Variants in PLCB1 observed in about 807,000 individuals in gnomAD.
PLCB1 encodes the protein phospholipase C beta 1, also known as 1-phosphatidylinositol 4,5-bisphosphate phosphodiesterase beta-1.
In PLCB1, 46 loss-of-function variants were observed where a neutral mutation model predicts 161.8. That is an observed-to-expected ratio of 0.28 (90% CI 0.22 to 0.36). The LOEUF (loss-of-function observed/expected upper bound fraction) is 0.36, where lower values mean the gene tolerates loss of function less well. Ranked by LOEUF, PLCB1 falls within the 10% of genes least tolerant of loss-of-function variation. The probability of loss-of-function intolerance (pLI) is 1.00; values close to 1 mark genes in which losing one functional copy is unlikely to be tolerated. For synonymous variants in PLCB1, 517 were observed against 503.7 expected (o/e 1.03, Z -0.35); for missense variants, 1,016 against 1,472.5 (o/e 0.69, Z 5.07).
chr20:8,649,555 G>A (rs1395357933), intron 7 of PLCB1, 106 bp downstream of exon 7: 14 of 754,172 alleles, frequency 1.9e-5, no homozygotes, highest in Non-Finnish European at 2.9e-5. Flanking sequence ...CCTTTAAGAG[G>A]AAATTAAGAG....
chr20:8,342,608 T>C (rs184302950), intron 2 of PLCB1, among the ~76,000 whole-genome samples: 19 of 152,306 alleles, frequency 1.2e-4, no homozygotes, highest in Admixed American at 3.9e-4. Context: ...CTGTGAACTG[T>C]TGATCTGTTA....
At chr20:8,206,024 A>G (rs781262294) in intron 2 of PLCB1, among the ~76,000 whole-genome samples, 6 of 151,926 alleles carry the variant, frequency 3.9e-5, no homozygotes, top group Non-Finnish European at 7.4e-5. Flanking sequence ...ATGTAATAGC[A>G]TGGTTTCTTA....
chr20:8,626,933 A>G (rs533872947), intron 3 of PLCB1, among the ~76,000 whole-genome samples: 45 of 152,296 alleles, frequency 3.0e-4, no homozygotes, highest in African/African-American at 1.1e-3. Flanking sequence ...TTAATGGTAG[A>G]GTGCTAAATG....
chr20:8,175,454 T>C (rs921485134), intron 2 of PLCB1, among the ~76,000 whole-genome samples: 107 of 53,898 alleles, frequency 2.0e-3, no homozygotes, highest in African/African-American at 0.012. Flanking sequence ...AGGCAAAAAA[T>C]AAGTAAAAAT....
intron 2 of PLCB1, among the ~76,000 whole-genome samples, chr20:8,156,441 A>G (rs2051563938): frequency 6.6e-6 from 1 of 152,224 alleles, no homozygotes; most frequent in African/African-American, 2.4e-5. Flanking sequence ...TACTTTTACT[A>G]GAATCCTTAT....
Position 8,132,807 on chromosome 20 carries a change from C to A in PLCB1, c.99+57C>A, listed in dbSNP as rs1353754568. On this transcript the variant is annotated intron_variant, in intron 1 of 31. Transcript: ENST00000338037. This position sits in a 1 kb window ranked among gnomAD's most constrained non-coding sequence, Gnocchi z 5.2. Reference sequence around the variant, plus strand: ...TGGCTCGGGCACCGGGCAGGGCGGGCGTCGTGGGGGTGGGGCAAGGGGCGC... The same window carrying A: ...TGGCTCGGGCACCGGGCAGGGCGGGAGTCGTGGGGGTGGGGCAAGGGGCGC... The A allele has an allele frequency of 3.3e-6, 4 of 1,226,392 alleles. No individual in the cohort carries two copies. In the African/African-American group the frequency reaches 4.5e-5, roughly 14 times the overall value. The allele number at this position is 1,226,392 out of a possible 1,614,324, so 76.0% of individuals were successfully genotyped here. A position where few individuals can be genotyped will look rare whatever the true frequency, so the allele number is the denominator to read the frequency against.
chr20:8,668,227 T>A (rs1001125431), intron 9 of PLCB1, among the ~76,000 whole-genome samples: 5 of 151,232 alleles, frequency 3.3e-5, no homozygotes, highest in African/African-American at 1.2e-4. Flanking sequence ...AGCTGAAAAA[T>A]GTACCATAGT....
intron 2 of PLCB1, among the ~76,000 whole-genome samples, chr20:8,299,269 C>G (rs897687759): frequency 6.6e-6 from 1 of 152,122 alleles, no homozygotes; most frequent in Admixed American, 6.6e-5. Context: ...GTGTATAAGC[C>G]AAGCTGCCCA....
At chr20:8,257,933 A>G (rs1290932247) in intron 2 of PLCB1, among the ~76,000 whole-genome samples, 1 of 152,072 alleles carries the variant, frequency 6.6e-6, no homozygotes, top group East Asian at 1.9e-4. Flanking sequence ...GGGATATAAG[A>G]CTTAAAGGTC....
rs759324115 is a variant in PLCB1 at position 8,785,114 on chromosome 20, C to A, written c.3112-3335C>A. Among the ~76,000 whole-genome samples the A allele has an allele frequency of 1.6e-3, 238 of 151,940 alleles. 1 individual carries two copies. Among genetic ancestry groups the A allele is most frequent in the Non-Finnish European group, 2.4e-3 (164 of 67,968 alleles). ...CCTGTAGGAAAAACCAATTAGGGGGCCAACACCCAGAGTTATCTGGGCAGT... is the reference window on the plus strand; with the variant it reads ...CCTGTAGGAAAAACCAATTAGGGGGACAACACCCAGAGTTATCTGGGCAGT... On this transcript the variant is annotated intron_variant, in intron 27 of 31. Transcript: ENST00000338037.
At chr20:8,216,894 G>C (rs1233437851) in intron 2 of PLCB1, among the ~76,000 whole-genome samples, 2 of 152,060 alleles carry the variant, frequency 1.3e-5, no homozygotes, top group African/African-American at 4.8e-5. Context: ...CAAAATAGTG[G>C]TGTCAACCCA....
At chr20:8,599,192 T>G (rs1415819722) in intron 3 of PLCB1, among the ~76,000 whole-genome samples, 78 of 139,654 alleles carry the variant, frequency 5.6e-4, no homozygotes, top group Middle Eastern at 7.4e-3. Flanking sequence ...TTCTTCCTAG[T>G]CTCGATGGTC....
chr20:8,328,190 A>T (rs1251529765), intron 2 of PLCB1, among the ~76,000 whole-genome samples: 1 of 152,158 alleles, frequency 6.6e-6, no homozygotes, highest in Non-Finnish European at 1.5e-5. Context: ...TTTAGAGCAT[A>T]TTGGATTTTG....
At chr20:8,436,811 A>G (rs185480533) in intron 3 of PLCB1, among the ~76,000 whole-genome samples, 171 of 152,218 alleles carry the variant, frequency 1.1e-3, no homozygotes, top group African/African-American at 3.9e-3. Context: ...ATTTTCTGAA[A>G]CAGAGTCTCA....
At position 8,254,040 on chromosome 20, in the gene PLCB1, A is replaced by G. The variant is rs557857371; in HGVS notation, c.177+103669A>G. ...CCACCCTTGACAGGCACCTAAATTAACTCCGGGACTTTGCTATTCACACAT... is the reference window on the plus strand; with the variant it reads ...CCACCCTTGACAGGCACCTAAATTAGCTCCGGGACTTTGCTATTCACACAT... On this transcript the variant is annotated intron_variant, in intron 2 of 31. Coordinates refer to ENST00000338037, the MANE Select transcript of PLCB1 (RefSeq NM_015192.4). Among the ~76,000 whole-genome samples, 3 of 152,048 alleles carry G rather than the reference A, an allele frequency of 2.0e-5. No homozygotes were observed. In the South Asian group the frequency reaches 6.2e-4, roughly 32 times the overall value.
chr20:8,573,932 G>T (rs1009355828), intron 3 of PLCB1, among the ~76,000 whole-genome samples: 1 of 152,204 alleles, frequency 6.6e-6, no homozygotes, highest in Non-Finnish European at 1.5e-5. Context: ...GCAGCTGATG[G>T]ACATTGTGCA....
chr20:8,175,472 A>G, intron 2 of PLCB1, among the ~76,000 whole-genome samples: 1 of 151,938 alleles, frequency 6.6e-6, no homozygotes, highest in East Asian at 1.9e-4. Context: ...AATAAAAAAA[A>G]AAGTATAAAA....
chr20:8,629,546 C>G (rs965195921), intron 4 of PLCB1, among the ~76,000 whole-genome samples: 1 of 152,152 alleles, frequency 6.6e-6, no homozygotes, highest in Non-Finnish European at 1.5e-5. Flanking sequence ...TTATAAAATA[C>G]TAGTGATAGT....
intron 3 of PLCB1, among the ~76,000 whole-genome samples, chr20:8,556,006 A>G (rs1472014840): frequency 6.6e-6 from 1 of 152,096 alleles, no homozygotes; most frequent in Non-Finnish European, 1.5e-5. Flanking sequence ...GTGAAATTTA[A>G]TAAGTGACTC....
Sources: allele counts gnomAD v4.1 joint callset (sites outside exome capture counted in the v4.1 genomes callset), GRCh38; gene constraint gnomAD v4.1.1; non-coding constraint Gnocchi (gnomAD v3.1); transcripts MANE v1.5; gene names NCBI Gene and HGNC (gene_info 2026-07-23, HGNC 2026-07-21).